SBF2: variants seen among roughly 807,000 people sequenced by gnomAD.
SBF2 encodes SET binding factor 2, also known as myotubularin-related protein 13.
Under a neutral mutation model 225.2 loss-of-function variants are expected in SBF2, and 112 were observed. The observed-to-expected ratio is 0.50, with a 90% CI of 0.43 to 0.58. The LOEUF (loss-of-function observed/expected upper bound fraction) is 0.58, where lower values mean the gene tolerates loss of function less well. Ranked by LOEUF, SBF2 falls within the 20% of genes least tolerant of loss-of-function variation. The pLI is 0.00. For synonymous variants in SBF2, 763 were observed against 773.3 expected, an observed-to-expected ratio of 0.99 and a Z score of 0.22; for missense variants, 1,996 against 2,206.2, an observed-to-expected ratio of 0.90 and a Z score of 1.91.
chr11:10,017,270 G>C lies in SBF2; in HGVS notation c.619+11182C>G, dbSNP rs1018048133. Among the ~76,000 whole-genome samples the C allele has an allele frequency of 7.5e-4, 114 of 152,310 alleles. 1 individual carries two copies. Among genetic ancestry groups the C allele is most frequent in the African/African-American group, 2.6e-3 (110 of 41,556 alleles). On this transcript the variant is annotated intron_variant, in intron 6 of 39. Transcript: ENST00000256190. ...ATATGTTACACAAATAGAAGACTAT[G>C]TCTCAGCTTTCAAATGGATAAACAG...
intron 1 of SBF2, among the ~76,000 whole-genome samples, chr11:10,238,090 T>C (rs914875772): frequency 6.6e-6 from 1 of 152,108 alleles, no homozygotes; most frequent in African/African-American, 2.4e-5. Flanking sequence ...TACAAGAATA[T>C]AGAAAGAATA....
intron 2 of SBF2, among the ~76,000 whole-genome samples, chr11:10,043,768 C>G (rs571895737): frequency 6.6e-6 from 1 of 152,060 alleles, no homozygotes; most frequent in African/African-American, 2.4e-5. Flanking sequence ...GAGAAAGGGT[C>G]TTTCCATGTT....
At chr11:10,130,233 G>T (rs1340524400) in intron 2 of SBF2, among the ~76,000 whole-genome samples, 2 of 151,610 alleles carry the variant, frequency 1.3e-5, no homozygotes, top group East Asian at 3.9e-4. Context: ...GTGGTGGCGG[G>T]CACCTGTAGT....
intron 13 of SBF2, among the ~76,000 whole-genome samples, chr11:9,971,950 C>T (rs1490925474): frequency 6.6e-6 from 1 of 152,056 alleles, no homozygotes; most frequent in African/African-American, 2.4e-5. Flanking sequence ...AATAGAGAGC[C>T]CCAAAACAGG....
intron 17 of SBF2, among the ~76,000 whole-genome samples, chr11:9,863,498 A>C (rs947051804): frequency 6.6e-6 from 1 of 152,212 alleles, no homozygotes; most frequent in Non-Finnish European, 1.5e-5. Flanking sequence ...TCCCTGGAAT[A>C]TAAGTGTACC....
chr11:10,076,013 G>A (rs994005139), intron 2 of SBF2, among the ~76,000 whole-genome samples: 2 of 151,978 alleles, frequency 1.3e-5, no homozygotes, highest in Admixed American at 1.3e-4. Flanking sequence ...CATCCAAGAA[G>A]AAACATGAGA....
intron 28 of SBF2, among the ~76,000 whole-genome samples, chr11:9,828,783 C>T (rs1031814207): frequency 1.3e-5 from 2 of 152,198 alleles, no homozygotes; most frequent in East Asian, 3.8e-4. Context: ...CAAACATGTT[C>T]CACTTACATA....
At position 9,795,899 on chromosome 11, in the gene SBF2, G is replaced by C; in HGVS notation, c.4502C>G (p.Ala1501Gly). 1 of 1,613,646 alleles carries C rather than the reference G, an allele frequency of 6.2e-7. No individual in the cohort carries two copies. Among genetic ancestry groups the C allele is most frequent in the East Asian group, 2.2e-5 (1 of 44,878 alleles). The change falls in exon 33 of 40, where the codon GCT (alanine) becomes GGT (glycine). Residue 1501 changes from alanine to glycine, a missense_variant. Coordinates refer to ENST00000256190, the MANE Select transcript of SBF2 (RefSeq NM_030962.4). The part of the protein sequence containing the change: ...EFNLYYLKFL[A>G]FHYVSNRFKT... ...AAAGCGATTAGACACATAGTGGAAA[G>C]CCAAGAACTTTAAGTAATAGAGATT...
At chr11:10,175,934 G>A (rs1210825418) in intron 2 of SBF2, among the ~76,000 whole-genome samples, 2 of 150,552 alleles carry the variant, frequency 1.3e-5, no homozygotes, top group East Asian at 1.9e-4. Flanking sequence ...ACGAAATGAA[G>A]GCAGAAATAA....
chr11:9,810,911 C>T (rs540277789), intron 30 of SBF2: 5 of 152,318 alleles, frequency 3.3e-5, no homozygotes, highest in African/African-American at 7.2e-5. Context: ...CACATGCACA[C>T]ACATGTTCAG....
chr11:9,816,960 A>G lies in SBF2; in HGVS notation c.3858T>C (p.Val1286=), dbSNP rs768590614. 8 of 1,614,094 alleles carry G rather than the reference A, an allele frequency of 5.0e-6. No individual in the cohort carries two copies. In the East Asian group the frequency reaches 1.8e-4, roughly 36 times the overall value. Reference sequence around the variant, plus strand: ...GATCCTTGCCTGCCAGCCGGGCGCCAACATCAATGAAGGATGTTGGAGAGC... The same window carrying G: ...GATCCTTGCCTGCCAGCCGGGCGCCGACATCAATGAAGGATGTTGGAGAGC... ...LISSPTSFID[V]GARLAGKDHS... Residue 1286 remains valine, a synonymous_variant, in exon 29 of 40, where the codon GTT becomes GTC. Transcript: ENST00000256190.
intron 3 of SBF2, among the ~76,000 whole-genome samples, chr11:10,033,885 A>G (rs1414271525): frequency 6.6e-6 from 1 of 152,178 alleles, no homozygotes; most frequent in Non-Finnish European, 1.5e-5. Flanking sequence ...TTACAATGAC[A>G]GATTTTCACC....
chr11:9,891,836 C>A (rs1358439017), intron 17 of SBF2, among the ~76,000 whole-genome samples: 3 of 152,014 alleles, frequency 2.0e-5, no homozygotes, highest in African/African-American at 7.3e-5. Flanking sequence ...CTAAGACAGG[C>A]GATGTTACAA....
chr11:10,291,197 G>T (rs1964136899), intron 1 of SBF2, among the ~76,000 whole-genome samples: 1 of 152,176 alleles, frequency 6.6e-6, no homozygotes, highest in South Asian at 2.1e-4. Context: ...AACACCCAAA[G>T]TGATGGTATT....
intron 2 of SBF2, among the ~76,000 whole-genome samples, chr11:10,069,685 T>C (rs560804509): frequency 7.4e-4 from 113 of 152,322 alleles, no homozygotes; most frequent in African/African-American, 2.5e-3. Context: ...AGTAATGGGA[T>C]TGCTGGGTCA....
chr11:9,812,741 G>A (rs372687583), intron 29 of SBF2, 33 bp from the exon 30 acceptor site: 1 of 1,607,668 alleles, frequency 6.2e-7, no homozygotes. Context: ...TTAGGCAGAT[G>A]AAGTGCTATA....
chr11:10,128,858 C>A (rs2135085850), intron 2 of SBF2, among the ~76,000 whole-genome samples: 1 of 152,298 alleles, frequency 6.6e-6, no homozygotes, highest in Admixed American at 6.5e-5. Context: ...TTCTTTCAAA[C>A]CACATTTGCT....
chr11:10,018,745 A>G (rs1021883977), intron 6 of SBF2, among the ~76,000 whole-genome samples: 1 of 152,204 alleles, frequency 6.6e-6, no homozygotes, highest in Non-Finnish European at 1.5e-5. Context: ...CAAGGACTCA[A>G]TTGGTCAATG....
At chr11:10,008,185 A>G (rs916062644) in intron 6 of SBF2, among the ~76,000 whole-genome samples, 12 of 152,206 alleles carry the variant, frequency 7.9e-5, no homozygotes, top group Non-Finnish European at 1.5e-4. Flanking sequence ...TAGAAGGGAT[A>G]AAAGCTAGCA....
Sources: allele counts gnomAD v4.1 joint callset (sites outside exome capture counted in the v4.1 genomes callset), GRCh38; gene constraint gnomAD v4.1.1; transcripts MANE v1.5; gene names NCBI Gene and HGNC (gene_info 2026-07-23, HGNC 2026-07-21).